The following BAALC variants were observed in gnomAD, a reference collection of about 807,000 sequenced individuals.
BAALC encodes the protein BAALC binder of MAP3K1 and KLF4.
Under a neutral mutation model 15.5 loss-of-function variants are expected in BAALC, and 9 were observed. That is an observed-to-expected ratio of 0.58 (90% confidence interval 0.35 to 1.02). The LOEUF (loss-of-function observed/expected upper bound fraction) is 1.02, where lower values mean the gene tolerates loss of function less well. BAALC is among the 50% of genes least tolerant of loss of function. The pLI, the probability that BAALC is intolerant of heterozygous loss-of-function variation, is 0.02. For missense variants in BAALC, 201 were observed against 192.4 expected (o/e 1.04, Z -0.27); for synonymous variants, 80 against 74.6 (o/e 1.07, Z -0.37).
At chr8:103,172,414 T>TTG (rs1811517651) in intron 1 of BAALC, among the ~76,000 whole-genome samples, 1 of 137,984 alleles carries the variant, frequency 7.2e-6, no homozygotes, top group African/African-American at 2.6e-5. Flanking sequence ...TTTTTTTTTT[T>TTG]GAGACAGAGT....
intron 1 of BAALC, among the ~76,000 whole-genome samples, chr8:103,182,035 G>T (rs906588241): frequency 3.3e-5 from 5 of 152,138 alleles, no homozygotes; most frequent in Non-Finnish European, 5.9e-5. Flanking sequence ...GCACCTAGCC[G>T]GGCATGAGAC....
At chr8:103,195,206 G>A (rs1159532628) in intron 1 of BAALC, among the ~76,000 whole-genome samples, 1 of 152,094 alleles carries the variant, frequency 6.6e-6, no homozygotes, top group Admixed American at 6.5e-5. Context: ...TCTGTGGCAA[G>A]AGGGAAGGAA....
chr8:103,209,142 C>T (rs1056305236), intron 1 of BAALC, among the ~76,000 whole-genome samples: 33 of 152,060 alleles, frequency 2.2e-4, no homozygotes, highest in Admixed American at 2.0e-4. Flanking sequence ...GAGGCCAAGG[C>T]GGGTGGATCA....
chr8:103,219,657 C>T (rs530007594), intron 2 of BAALC: 1 of 152,378 alleles, frequency 6.6e-6, no homozygotes, highest in African/African-American at 2.4e-5. Flanking sequence ...CATAGTCTGA[C>T]CCCTGCGTTC....
chr8:103,215,578 T>C (rs1167513806), intron 2 of BAALC, among the ~76,000 whole-genome samples: 1 of 152,224 alleles, frequency 6.6e-6, no homozygotes, highest in Non-Finnish European at 1.5e-5. Flanking sequence ...GTCTGTTCCA[T>C]ATATATTATT....
chr8:103,193,186 CCT>C (rs1812011469), intron 1 of BAALC, among the ~76,000 whole-genome samples: 1 of 152,214 alleles, frequency 6.6e-6, no homozygotes, highest in Non-Finnish European at 1.5e-5. Context: ...ATGGCTTACC[CCT>C]GTCACAGGCG....
chr8:103,208,280 C>G (rs566200541), intron 1 of BAALC: 1 of 152,324 alleles, frequency 6.6e-6, no homozygotes, highest in Admixed American at 6.5e-5. Flanking sequence ...GTATTATCTC[C>G]ATTTAATAGA....
intron 1 of BAALC, among the ~76,000 whole-genome samples, chr8:103,141,726 A>G (rs796693202): frequency 2.6e-5 from 4 of 152,338 alleles, no homozygotes; most frequent in African/African-American, 9.6e-5. Context: ...TCCCTACCCT[A>G]TGGTGTCCCA....
chr8:103,201,411 A>G (rs1000724918), intron 1 of BAALC, among the ~76,000 whole-genome samples: 3 of 152,154 alleles, frequency 2.0e-5, no homozygotes, highest in South Asian at 2.1e-4. Flanking sequence ...ACAGGTAAAC[A>G]ATTCCCTGAA....
intron 1 of BAALC, among the ~76,000 whole-genome samples, chr8:103,176,459 G>A (rs1811607698): frequency 6.7e-6 from 1 of 150,060 alleles, no homozygotes; most frequent in Non-Finnish European, 1.5e-5. Flanking sequence ...TTAGAACTAA[G>A]TGCCATAAGA....
At chr8:103,220,590 T>C (rs532172174) in intron 2 of BAALC, among the ~76,000 whole-genome samples, 11 of 152,226 alleles carry the variant, frequency 7.2e-5, no homozygotes, top group Admixed American at 3.9e-4. Flanking sequence ...GTTTACAATA[T>C]GAGGAGGAAG....
At chr8:103,210,584 T>C (rs1812428286) in intron 1 of BAALC, among the ~76,000 whole-genome samples, 1 of 152,236 alleles carries the variant, frequency 6.6e-6, no homozygotes, top group Non-Finnish European at 1.5e-5. Flanking sequence ...AAGGATTTTG[T>C]TTGTTTTTCT....
At chr8:103,176,248 CAT>C (rs1467462294) in intron 1 of BAALC, among the ~76,000 whole-genome samples, 1 of 152,168 alleles carries the variant, frequency 6.6e-6, no homozygotes, top group African/African-American at 2.4e-5. Flanking sequence ...CACACACACA[CAT>C]GCACACATGC....
At chr8:103,170,254 C>T (rs1454414600) in intron 1 of BAALC, among the ~76,000 whole-genome samples, 8 of 150,032 alleles carry the variant, frequency 5.3e-5, no homozygotes, top group East Asian at 2.0e-4. Flanking sequence ...TTTTTAAAGC[C>T]GCTTGGTTAT....
At chr8:103,214,305 T>TA (rs1449222959) in intron 2 of BAALC, among the ~76,000 whole-genome samples, 2 of 152,220 alleles carry the variant, frequency 1.3e-5, no homozygotes, top group Non-Finnish European at 2.9e-5. Context: ...AAGCAACTGT[T>TA]ACAGTGGTGA....
intron 1 of BAALC, among the ~76,000 whole-genome samples, chr8:103,172,774 C>T (rs1349462640): frequency 6.6e-6 from 1 of 152,120 alleles, no homozygotes; most frequent in Non-Finnish European, 1.5e-5. Flanking sequence ...GATAATATTG[C>T]CAACTTCACA....
intron 1 of BAALC, among the ~76,000 whole-genome samples, chr8:103,143,810 C>G (rs62527609): frequency 0.035 from 5,391 of 152,312 alleles, 109 homozygotes; most frequent in South Asian, 0.053. Flanking sequence ...AATGGATGCT[C>G]TGTCTGAACC....
Position 103,189,838 on chromosome 8 carries a change from C to T in BAALC, c.161-23081C>T, listed in dbSNP as rs186396351. ...TTGGACCAGATGCAGTGGTGCAATA[C>T]GGTGTGAGGGAGAAAGACATGCTGA... On this transcript the variant is annotated intron_variant, in intron 1 of 2. Coordinates refer to ENST00000309982, the MANE Select transcript of BAALC (RefSeq NM_024812.3). Among the ~76,000 whole-genome samples, 469 of 152,226 alleles carry T rather than the reference C, an allele frequency of 3.1e-3. 2 individuals carry two copies. The highest frequency in any genetic ancestry group is 0.011 in the African/African-American group (444 of 41,530).
rs1242916135 is a variant in BAALC at position 103,230,179 on chromosome 8, G to A, written c.*2080G>A. ...AGACAGCAACCAGAAGTTAAACCAT[G>A]TGACTAAAAATGCATCTGGCTACTT... is the stretch of plus-strand genomic sequence containing the variant. On this transcript the variant is annotated 3_prime_UTR_variant, in exon 3 of 3. Coordinates refer to ENST00000309982, the MANE Select transcript of BAALC (RefSeq NM_024812.3). 1 of 150,444 alleles carries A rather than the reference G, an allele frequency of 6.6e-6. No homozygotes were observed. Among genetic ancestry groups the A allele is most frequent in the East Asian group, 2.0e-4 (1 of 5,062 alleles). 9.3% of individuals were successfully genotyped at this position (150,444 alleles called of 1,614,324 possible). A position where few individuals can be genotyped will look rare whatever the true frequency, so the allele number is the denominator to read the frequency against.
Sources: allele counts gnomAD v4.1 joint callset (sites outside exome capture counted in the v4.1 genomes callset), GRCh38; gene constraint gnomAD v4.1.1; transcripts MANE v1.5; gene names NCBI Gene and HGNC (gene_info 2026-07-23, HGNC 2026-07-21).